TMTC1: variants seen among roughly 807,000 people sequenced by gnomAD.
TMTC1 encodes transmembrane O-mannosyltransferase targeting cadherins 1, also known as protein O-mannosyl-transferase TMTC1.
TMTC1 carries 73 observed loss-of-function variants against 104.8 expected under a neutral mutation model. That is an observed-to-expected ratio of 0.70 (90% confidence interval 0.58 to 0.85). TMTC1 has a LOEUF of 0.85. Ranked by LOEUF, TMTC1 falls within the 40% of genes least tolerant of loss-of-function variation. The probability of loss-of-function intolerance (pLI) is 0.00; values close to 1 mark genes in which losing one functional copy is unlikely to be tolerated. For missense variants in TMTC1, 1,035 were observed against 1,096.1 expected (o/e 0.94, Z 0.79); for synonymous variants, 434 against 428.7 (o/e 1.01, Z -0.15).
intron 5 of TMTC1, among the ~76,000 whole-genome samples, chr12:29,696,550 T>G (rs577885664): frequency 6.6e-6 from 1 of 152,204 alleles, no homozygotes; most frequent in African/African-American, 2.4e-5. Context: ...CTGGAAAGAT[T>G]TGAGGCAACA....
At chr12:29,644,003 A>AATAT (rs1939117784) in intron 5 of TMTC1, among the ~76,000 whole-genome samples, 1 of 48,202 alleles carries the variant, frequency 2.1e-5, no homozygotes, top group South Asian at 8.8e-4. Context: ...TTTATATATA[A>AATAT]ATATAAATAT....
intron 5 of TMTC1, among the ~76,000 whole-genome samples, chr12:29,703,555 C>G (rs1941661136): frequency 6.6e-6 from 1 of 152,176 alleles, no homozygotes. Context: ...TTCCAAGATA[C>G]CATTTGCTCG....
At chr12:29,560,993 CA>C (rs1945362992) in intron 9 of TMTC1, among the ~76,000 whole-genome samples, 1 of 152,038 alleles carries the variant, frequency 6.6e-6, no homozygotes, top group African/African-American at 2.4e-5. Context: ...ATTTACCCTT[CA>C]AAACTGCTTA....
chr12:29,755,699 A>C lies in TMTC1; in HGVS notation c.731+10T>G, dbSNP rs745401461. The stretch of plus-strand genomic sequence containing the variant: ...ATGCCATTTGATATCAAAACTGTAA[A>C]ATGACTTACGACTTGTCTTGCTTGT... On this transcript the variant is annotated intron_variant, in intron 4 of 17. Coordinates refer to ENST00000539277, the MANE Select transcript of TMTC1 (RefSeq NM_001193451.2). 6.2e-6 allele frequency: 10 copies of C among 1,609,476 alleles called. No individual in the cohort carries two copies. The highest frequency in any genetic ancestry group is 2.2e-5 in the South Asian group (2 of 90,234).
intron 5 of TMTC1, among the ~76,000 whole-genome samples, chr12:29,682,436 T>C (rs1362915791): frequency 6.6e-6 from 1 of 152,064 alleles, no homozygotes; most frequent in East Asian, 1.9e-4. Flanking sequence ...ACATGAATGC[T>C]CATGGCAGCT....
chr12:29,563,492 AGTGGGTAT>A (rs1301442867), intron 9 of TMTC1, among the ~76,000 whole-genome samples: 1 of 152,096 alleles, frequency 6.6e-6, no homozygotes, highest in East Asian at 1.9e-4. Context: ...TGGGGAGGAG[AGTGGGTAT>A]GTTTTGAATA....
At chr12:29,606,496 A>G (rs12300479) in intron 6 of TMTC1, among the ~76,000 whole-genome samples, 2,283 of 152,316 alleles carry the variant, frequency 0.015, 46 homozygotes, top group African/African-American at 0.051. Flanking sequence ...GTAAGTTGCT[A>G]TTCCCTTTTT....
At chr12:29,770,248 T>C (rs902303387) in intron 1 of TMTC1, among the ~76,000 whole-genome samples, 1 of 152,210 alleles carries the variant, frequency 6.6e-6, no homozygotes, top group East Asian at 1.9e-4. Flanking sequence ...ACCTATACTC[T>C]TATCAGGTAT....
At chr12:29,575,653 C>T (rs554202729) in intron 8 of TMTC1, among the ~76,000 whole-genome samples, 2 of 152,246 alleles carry the variant, frequency 1.3e-5, no homozygotes, top group East Asian at 3.9e-4. Context: ...CTGAAAGCAG[C>T]AGACCCCACA....
At chr12:29,699,788 C>T (rs1041767389) in intron 5 of TMTC1, among the ~76,000 whole-genome samples, 3 of 151,220 alleles carry the variant, frequency 2.0e-5, no homozygotes, top group Admixed American at 6.6e-5. Flanking sequence ...TACAGGCGCA[C>T]ACCAACAAGC....
chr12:29,514,905 TG>T (rs965677548), intron 15 of TMTC1, among the ~76,000 whole-genome samples: 11 of 150,438 alleles, frequency 7.3e-5, no homozygotes, highest in African/African-American at 2.2e-4. Flanking sequence ...TCCCGGCTAC[TG>T]GGGGGGCTGA....
intron 9 of TMTC1, 29 bp from the exon 10 acceptor site, chr12:29,557,029 TGGTTC>T (rs1328845832): frequency 6.2e-7 from 1 of 1,610,784 alleles, no homozygotes; most frequent in African/African-American, 1.3e-5. Context: ...TAAGCTGTGA[TGGTTC>T]AAAAACTTCT....
chr12:29,755,578 T>A, intron 4 of TMTC1, 131 bp downstream of exon 4: 1 of 721,772 alleles, frequency 1.4e-6, no homozygotes, highest in Non-Finnish European at 2.2e-6. Flanking sequence ...CCTTGTTGAT[T>A]ACGTGACAGT....
intron 7 of TMTC1, among the ~76,000 whole-genome samples, chr12:29,591,494 G>T (rs1300551963): frequency 6.6e-6 from 1 of 152,182 alleles, no homozygotes; most frequent in East Asian, 1.9e-4. Context: ...AAAACCTGGA[G>T]AGCCCAAAGC....
At chr12:29,758,641 C>T in intron 3 of TMTC1, 63 bp downstream of exon 3, 1 of 1,488,934 alleles carries the variant, frequency 6.7e-7, no homozygotes, top group Non-Finnish European at 9.3e-7. Flanking sequence ...CAGGCACATG[C>T]TCCCAGTCTA....
Position 29,712,862 on chromosome 12 carries a change from T to C in TMTC1, c.938+38804A>G, listed in dbSNP as rs1488233962. Among the ~76,000 whole-genome samples the C allele has an allele frequency of 2.0e-5, 3 of 152,226 alleles. No individual in the cohort carries two copies. In the East Asian group the frequency reaches 5.8e-4, roughly 29 times the overall value. ...GTGATGTCGAATCTACTGGTCTACC[T>C]TCAACTTGAATGAATCTTTTATCCA... is the stretch of plus-strand genomic sequence containing the variant. On this transcript the variant is annotated intron_variant, in intron 5 of 17. Transcript: ENST00000539277.
At chr12:29,512,436 C>T (rs368917526) in intron 16 of TMTC1, among the ~76,000 whole-genome samples, 1 of 151,666 alleles carries the variant, frequency 6.6e-6, no homozygotes, top group Non-Finnish European at 1.5e-5. Flanking sequence ...GAAAATTGTA[C>T]TTTCTGGCCT....
chr12:29,723,561 T>C (rs1942297924), intron 5 of TMTC1, among the ~76,000 whole-genome samples: 1 of 151,708 alleles, frequency 6.6e-6, no homozygotes, highest in Admixed American at 6.6e-5. Context: ...TCTGTACTTT[T>C]CTTTTTTTTT....
intron 1 of TMTC1, among the ~76,000 whole-genome samples, chr12:29,776,195 T>G (rs1201554418): frequency 6.6e-6 from 1 of 152,182 alleles, no homozygotes; most frequent in Non-Finnish European, 1.5e-5. Context: ...CCTTGAACTT[T>G]GCAGCAAGCA....
Sources: allele counts gnomAD v4.1 joint callset (sites outside exome capture counted in the v4.1 genomes callset), GRCh38; gene constraint gnomAD v4.1.1; transcripts MANE v1.5; gene names NCBI Gene and HGNC (gene_info 2026-07-23, HGNC 2026-07-21).